DENND1A: variants seen among roughly 807,000 people sequenced by gnomAD.
DENND1A encodes the protein DENN domain containing 1A.
A neutral mutation model predicts 113.7 loss-of-function variants in DENND1A; 51 were observed. The observed-to-expected ratio is 0.45, with a 90% CI of 0.36 to 0.57. The LOEUF is 0.57. DENND1A is among the 20% of genes least tolerant of loss of function. The probability of loss-of-function intolerance (pLI) is 0.00; values close to 1 mark genes in which losing one functional copy is unlikely to be tolerated. For missense variants in DENND1A, 1,258 were observed against 1,395.9 expected (o/e 0.90, Z 1.57); for synonymous variants, 565 against 570.8 (o/e 0.99, Z 0.14).
chr9:123,807,080 T>C (rs1331568075), intron 2 of DENND1A, among the ~76,000 whole-genome samples: 1 of 152,238 alleles, frequency 6.6e-6, no homozygotes, highest in Admixed American at 6.5e-5. Context: ...TTATGAAGAA[T>C]TAACTCAAAA....
At chr9:123,905,068 A>G (rs1276557720) in intron 1 of DENND1A, among the ~76,000 whole-genome samples, 1 of 152,042 alleles carries the variant, frequency 6.6e-6, no homozygotes, top group African/African-American at 2.4e-5. Context: ...TTCTTAAAGA[A>G]AAGAATTTTC....
chr9:123,829,711 A>G (rs1399907068), intron 2 of DENND1A, among the ~76,000 whole-genome samples: 1 of 152,178 alleles, frequency 6.6e-6, no homozygotes, highest in Non-Finnish European at 1.5e-5. Context: ...ACTATTAAAT[A>G]CAGGGAACAC....
intron 16 of DENND1A, 45 bp from the exon 17 acceptor site, chr9:123,452,392 C>A: frequency 6.8e-7 from 1 of 1,461,262 alleles, no homozygotes; most frequent in South Asian, 1.1e-5. Flanking sequence ...AAGACAGAGT[C>A]ATCCAACACC....
At chr9:123,454,815 A>G (rs546859179) in intron 15 of DENND1A, 36 bp from the exon 16 acceptor site, 16 of 1,546,084 alleles carry the variant, frequency 1.0e-5, no homozygotes, top group Non-Finnish European at 1.4e-5. Context: ...TGTCACTTAA[A>G]GAGGTGATTT....
chr9:123,497,405 A>C (rs1243459209), intron 13 of DENND1A, among the ~76,000 whole-genome samples: 1 of 152,050 alleles, frequency 6.6e-6, no homozygotes, highest in Non-Finnish European at 1.5e-5. Context: ...GTAGCCTCAA[A>C]CTCCTGGGCT....
intron 18 of DENND1A, among the ~76,000 whole-genome samples, chr9:123,443,037 T>C (rs187145407): frequency 2.6e-4 from 40 of 152,322 alleles, no homozygotes; most frequent in Admixed American, 1.3e-3. Context: ...TTGACCTTCA[T>C]TCTCACACTT....
intron 2 of DENND1A, among the ~76,000 whole-genome samples, chr9:123,840,600 C>T (rs2132950571): frequency 6.6e-6 from 1 of 152,304 alleles, no homozygotes; most frequent in Admixed American, 6.5e-5. Context: ...TATATTATCT[C>T]CCTCTTTGTC....
intron 1 of DENND1A, among the ~76,000 whole-genome samples, chr9:123,898,033 A>G (rs1373095503): frequency 6.6e-6 from 1 of 151,644 alleles, no homozygotes; most frequent in Non-Finnish European, 1.5e-5. Flanking sequence ...TTTTTAATTT[A>G]AAGGTAGGGT....
At chr9:123,598,713 T>G (rs1192849371) in intron 11 of DENND1A, among the ~76,000 whole-genome samples, 1 of 152,210 alleles carries the variant, frequency 6.6e-6, no homozygotes, top group Non-Finnish European at 1.5e-5. Context: ...TTCCCCCTTC[T>G]TCTAAAGCTA....
Position 123,845,670 on chromosome 9 carries a change from C to CAAAAAAAAAA in DENND1A, c.88+33271_88+33280dup, listed in dbSNP as rs555731367. The stretch of plus-strand genomic sequence containing the variant: ...GGGTGACCAAGTGAGAACCTGTCTC[C>CAAAAAAAAAA]AAAAAAAAAAAAAAAAAAAAAAAAA... On this transcript the variant is annotated intron_variant, in intron 2 of 23. Coordinates refer to ENST00000394215, the MANE Select transcript of DENND1A (RefSeq NM_001352964.2). Among the ~76,000 whole-genome samples, 67 of 44,086 alleles carry CAAAAAAAAAA rather than the reference C, an allele frequency of 1.5e-3. 4 individuals carry two copies. The highest frequency in any genetic ancestry group is 4.9e-3 in the African/African-American group (63 of 12,914). The allele number at this position is 44,086 out of a possible 152,430, so 28.9% of individuals were successfully genotyped here.
intron 2 of DENND1A, among the ~76,000 whole-genome samples, chr9:123,834,567 G>A (rs879350659): frequency 4.6e-5 from 7 of 152,064 alleles, no homozygotes; most frequent in Non-Finnish European, 1.0e-4. Flanking sequence ...CAGAGAACAC[G>A]TATATATATG....
intron 13 of DENND1A, among the ~76,000 whole-genome samples, chr9:123,552,307 A>G (rs918283278): frequency 1.3e-5 from 2 of 152,256 alleles, no homozygotes; most frequent in Admixed American, 6.5e-5. Flanking sequence ...GGCCGTCAGG[A>G]CAGGCACCGT....
chr9:123,510,477 C>A (rs955873105), intron 13 of DENND1A, among the ~76,000 whole-genome samples: 1 of 152,234 alleles, frequency 6.6e-6, no homozygotes, highest in East Asian at 1.9e-4. Context: ...TATGCACCTG[C>A]CATTTTTTGT....
chr9:123,797,412 T>C (rs2132146950), intron 2 of DENND1A, among the ~76,000 whole-genome samples: 1 of 152,200 alleles, frequency 6.6e-6, no homozygotes, highest in African/African-American at 2.4e-5. Flanking sequence ...TTTCAGAAAA[T>C]AGTCTAAGAA....
At chr9:123,539,796 C>T (rs796141826) in intron 13 of DENND1A, among the ~76,000 whole-genome samples, 19 of 150,340 alleles carry the variant, frequency 1.3e-4, no homozygotes, top group African/African-American at 2.9e-4. Context: ...GGCAGGAGAA[C>T]GGCGTGAACC....
chr9:123,690,829 G>T (rs201021371), intron 5 of DENND1A, among the ~76,000 whole-genome samples: 2 of 152,242 alleles, frequency 1.3e-5, no homozygotes, highest in East Asian at 3.8e-4. Flanking sequence ...AGTGAGCTTA[G>T]TAACTGTGAT....
intron 10 of DENND1A, among the ~76,000 whole-genome samples, chr9:123,625,625 T>C (rs2061174348): frequency 6.6e-6 from 1 of 152,180 alleles, no homozygotes; most frequent in African/African-American, 2.4e-5. Context: ...GCACCTGTGA[T>C]TCCAGCTACT....
At position 123,689,908 on chromosome 9, in the gene DENND1A, G is replaced by A. The variant is rs985792006; in HGVS notation, c.303-13119C>T. ...GGAGGCTGAGGTGGGAAGATGGCTTGAGTCCAAGAGTTGGAGGTTCCAGTG... is the reference window on the plus strand; with the variant it reads ...GGAGGCTGAGGTGGGAAGATGGCTTAAGTCCAAGAGTTGGAGGTTCCAGTG... On this transcript the variant is annotated intron_variant, in intron 5 of 23. Transcript: ENST00000394215. Among the ~76,000 whole-genome samples the A allele has an allele frequency of 2.6e-5, 4 of 151,864 alleles. No homozygotes were observed. The South Asian group carries it at 8.3e-4, about 32-fold the overall frequency.
intron 12 of DENND1A, among the ~76,000 whole-genome samples, chr9:123,561,379 G>A (rs1308478805): frequency 1.3e-5 from 2 of 152,166 alleles, no homozygotes; most frequent in African/African-American, 4.8e-5. Context: ...GGCTCCTGAT[G>A]CCCCTGTGAC....
Sources: allele counts gnomAD v4.1 joint callset (sites outside exome capture counted in the v4.1 genomes callset), GRCh38; gene constraint gnomAD v4.1.1; transcripts MANE v1.5; gene names NCBI Gene and HGNC (gene_info 2026-07-23, HGNC 2026-07-21).